GALK2: variants seen among roughly 807,000 people sequenced by gnomAD.
GALK2 encodes the protein N-acetylgalactosamine kinase.
Under a neutral mutation model 52.4 loss-of-function variants are expected in GALK2, and 36 were observed. The ratio of observed to expected loss-of-function variants is 0.69; its 90% CI spans 0.53 to 0.91. The LOEUF (loss-of-function observed/expected upper bound fraction) is 0.91. GALK2 is among the 40% of genes least tolerant of loss of function. The probability of loss-of-function intolerance (pLI) is 0.00; values close to 1 mark genes in which losing one functional copy is unlikely to be tolerated. For missense variants in GALK2, 579 were observed against 559.1 expected, an observed-to-expected ratio of 1.04 and a Z score of -0.36; for synonymous variants, 176 against 199.1, an observed-to-expected ratio of 0.88 and a Z score of 0.98.
chr15:49,348,268 C>G (rs1282116162), intron 3 of GALK2, among the ~76,000 whole-genome samples: 1 of 152,154 alleles, frequency 6.6e-6, no homozygotes, highest in Non-Finnish European at 1.5e-5. Flanking sequence ...CTACCCTCCA[C>G]AAAGCTATTC....
rs112146243 is a variant in GALK2 at position 49,155,925 on chromosome 15, T to A, written c.-72T>A. ...CAGTCTCCTCCCTTGCTTGGGACTC[T>A]GGACGCATCTCATTCCGGTGAAAGT... On this transcript the variant is annotated 5_prime_UTR_variant, in exon 1 of 10. Coordinates refer to the GALK2 transcript ENST00000327171. 125 of 1,538,454 alleles carry A rather than the reference T, an allele frequency of 8.1e-5. No individual in the cohort carries two copies. In the Admixed American group the frequency reaches 2.1e-3, roughly 26 times the overall value.
Position 49,292,556 on chromosome 15 carries a change from G to C in GALK2, c.967+19G>C, listed in dbSNP as rs199912225. The C allele has an allele frequency of 3.4e-5, 54 of 1,597,228 alleles. No individual in the cohort carries two copies. In the African/African-American group the frequency reaches 6.8e-4, roughly 20 times the overall value. ...CAAGATGGTGAGTTGGCTGGAGAAA[G>C]TATGATATATGTTATTCCCTCACTT... On this transcript the variant is annotated intron_variant, in intron 8 of 9. Transcript: ENST00000560031.
intron 5 of GALK2, among the ~76,000 whole-genome samples, chr15:49,280,510 A>G (rs888985262): frequency 8.6e-5 from 13 of 152,024 alleles, no homozygotes; most frequent in Admixed American, 3.3e-4. Flanking sequence ...GTGGTGGGAG[A>G]GCAGGCTGGA....
At chr15:49,341,379 C>T (rs573631816) in intron 3 of GALK2, among the ~76,000 whole-genome samples, 1 of 152,214 alleles carries the variant, frequency 6.6e-6, no homozygotes, top group South Asian at 2.1e-4. Context: ...TTCTTCCAAC[C>T]CATGAGCATA....
chr15:49,175,096 G>A (rs192977650), intron 1 of GALK2, among the ~76,000 whole-genome samples: 3 of 152,176 alleles, frequency 2.0e-5, no homozygotes, highest in East Asian at 1.9e-4. Context: ...AAGCACATGC[G>A]CAGTGGGTAA....
intron 3 of GALK2, among the ~76,000 whole-genome samples, chr15:49,352,634 G>C (rs2042416036): frequency 1.3e-5 from 2 of 152,116 alleles, no homozygotes; most frequent in African/African-American, 4.8e-5. Context: ...ACAATATTGA[G>C]AGTAAGCAAA....
intron 5 of GALK2, among the ~76,000 whole-genome samples, chr15:49,274,227 C>T (rs2031264266): frequency 6.6e-6 from 1 of 152,128 alleles, no homozygotes; most frequent in South Asian, 2.1e-4. Context: ...TAACACAAAC[C>T]TAGATGGTGT....
At chr15:49,280,990 C>A (rs1350021228) in intron 5 of GALK2, among the ~76,000 whole-genome samples, 1 of 152,184 alleles carries the variant, frequency 6.6e-6, no homozygotes, top group Non-Finnish European at 1.5e-5. Context: ...GCATGCACCA[C>A]AATGCCCAGC....
At chr15:49,249,254 T>TCTTGACCA (rs773078851) in intron 5 of GALK2, among the ~76,000 whole-genome samples, 4 of 152,244 alleles carry the variant, frequency 2.6e-5, no homozygotes, top group Non-Finnish European at 4.4e-5. Flanking sequence ...GAGGTTATGG[T>TCTTGACCA]AGCCATCTTG....
At chr15:49,353,914 A>T (rs920636848) in intron 3 of GALK2, 1 of 152,242 alleles carries the variant, frequency 6.6e-6, no homozygotes, top group Non-Finnish European at 1.5e-5. Flanking sequence ...TTACTTTAGT[A>T]ATAACTTACA....
chr15:49,201,848 T>C (rs1015194454), intron 2 of GALK2, among the ~76,000 whole-genome samples: 2 of 152,208 alleles, frequency 1.3e-5, no homozygotes, highest in African/African-American at 4.8e-5. Context: ...ATATCATAAA[T>C]ATTTCCATGT....
At position 49,258,829 on chromosome 15, in the gene GALK2, TGA is replaced by T. The variant is rs1200292800; in HGVS notation, c.504+19487_504+19488del. Among the ~76,000 whole-genome samples the T allele has an allele frequency of 2.7e-3, 330 of 124,112 alleles. 2 individuals carry two copies. Among genetic ancestry groups the T allele is most frequent in the African/African-American group, 9.4e-3 (294 of 31,132 alleles). 81.4% of individuals were successfully genotyped at this position (124,112 alleles called of 152,430 possible). On this transcript the variant is annotated intron_variant, in intron 5 of 9. Coordinates refer to ENST00000560031, the MANE Select transcript of GALK2 (RefSeq NM_002044.4). Reference sequence around the variant, plus strand: ...GTGTGTGTGTGTGTGTGTGTGTGTGTGAGAGAGAGAGAGAGAGAGAGAGAGAT... The same window carrying T: ...GTGTGTGTGTGTGTGTGTGTGTGTGTGAGAGAGAGAGAGAGAGAGAGAGAT...
At chr15:49,261,308 T>A (rs1025546522) in intron 5 of GALK2, among the ~76,000 whole-genome samples, 1 of 146,814 alleles carries the variant, frequency 6.8e-6, no homozygotes, top group African/African-American at 2.5e-5. Flanking sequence ...GATTCCTAGG[T>A]ATTTTATTCT....
Position 49,338,930 on chromosome 15 carries a change from A to G in GALK2, c.426+19125A>G, listed in dbSNP as rs563222272. Among the ~76,000 whole-genome samples, 107 of 152,230 alleles carry G rather than the reference A, an allele frequency of 7.0e-4. 1 individual carries two copies. Among genetic ancestry groups the G allele is most frequent in the Non-Finnish European group, 1.2e-3 (83 of 68,018 alleles). ...CCGCTTGATCAATTCAGCTATTGAT[A>G]CTTGTGTATGCTTCACGAAGTTCTC... On this transcript the variant is annotated intron_variant, in intron 3 of 3. Coordinates refer to the GALK2 transcript ENST00000558399.
intron 3 of GALK2, among the ~76,000 whole-genome samples, chr15:49,228,302 A>T (rs1224793674): frequency 2.0e-5 from 3 of 152,034 alleles, no homozygotes; most frequent in Non-Finnish European, 4.4e-5. Context: ...TATTTTGTTA[A>T]GTAGGTTTTC....
At chr15:49,180,779 G>A (rs62009779) in intron 1 of GALK2, among the ~76,000 whole-genome samples, 2 of 151,840 alleles carry the variant, frequency 1.3e-5, no homozygotes, top group Non-Finnish European at 2.9e-5. Flanking sequence ...ATGCTTCACC[G>A]TACCCCACCT....
chr15:49,265,243 C>T (rs1162742157), intron 5 of GALK2, among the ~76,000 whole-genome samples: 1 of 152,224 alleles, frequency 6.6e-6, no homozygotes. Context: ...AGGTTCCTGG[C>T]TGCTTTATTT....
chr15:49,346,988 G>A (rs1222397412), intron 3 of GALK2, among the ~76,000 whole-genome samples: 4 of 152,084 alleles, frequency 2.6e-5, no homozygotes, highest in African/African-American at 9.7e-5. Flanking sequence ...TTTTTAAAAG[G>A]TTATAAGCAC....
At chr15:49,278,958 G>A (rs1202134608) in intron 5 of GALK2, among the ~76,000 whole-genome samples, 4 of 152,198 alleles carry the variant, frequency 2.6e-5, no homozygotes, top group African/African-American at 4.8e-5. Context: ...GCGGCAGGGC[G>A]GAGTGAGTGC....
Sources: allele counts gnomAD v4.1 joint callset (sites outside exome capture counted in the v4.1 genomes callset), GRCh38; gene constraint gnomAD v4.1.1; transcripts MANE v1.5; gene names NCBI Gene and HGNC (gene_info 2026-07-23, HGNC 2026-07-21).